Variants in IPP observed in about 807,000 individuals in gnomAD.
IPP encodes actin-binding protein IPP.
In IPP, 41 loss-of-function variants were observed where a neutral mutation model predicts 64.1. That is an observed-to-expected ratio of 0.64 (90% CI 0.50 to 0.83). IPP has a LOEUF of 0.83. IPP is among the 40% of genes least tolerant of loss of function. IPP has a pLI of 0.00. For synonymous variants in IPP, 214 were observed against 235.2 expected (o/e 0.91, Z 0.83); for missense variants, 649 against 703.0 (o/e 0.92, Z 0.87).
chr1:45,729,971 AG>A (rs1047440688), intron 3 of IPP, among the ~76,000 whole-genome samples: 1 of 152,222 alleles, frequency 6.6e-6, no homozygotes, highest in African/African-American at 2.4e-5. Flanking sequence ...AGAATAAAAA[AG>A]GTTGTTGTTA....
Position 45,698,729 on chromosome 1 carries a change from T to TC in IPP, c.*1236_*1237insG. The TC allele has an allele frequency of 1.8e-6, 1 of 558,768 alleles. No individual in the cohort carries two copies. Among genetic ancestry groups the TC allele is most frequent in the Non-Finnish European group, 2.2e-6 (1 of 454,566 alleles). The allele number at this position is 558,768 out of a possible 1,614,324, so 34.6% of individuals were successfully genotyped here. ...AGAATTTTTTTTTCTTTTTTTTTTT[T>TC]TTTTTTTGAGACAGGTTCTCATGCT... On this transcript the variant is annotated 3_prime_UTR_variant, in exon 9 of 9. Coordinates refer to ENST00000396478, the MANE Select transcript of IPP (RefSeq NM_005897.3).
At chr1:45,715,427 G>C (rs1324795061) in intron 7 of IPP, among the ~76,000 whole-genome samples, 2 of 152,020 alleles carry the variant, frequency 1.3e-5, no homozygotes, top group African/African-American at 4.8e-5. Flanking sequence ...AGATGACGAG[G>C]TCAGGAGATT....
intron 3 of IPP, among the ~76,000 whole-genome samples, chr1:45,735,046 C>T (rs941340881): frequency 6.6e-6 from 1 of 151,932 alleles, no homozygotes; most frequent in Non-Finnish European, 1.5e-5. Context: ...TCCCAAAGTG[C>T]TGGGATTACA....
intron 8 of IPP, among the ~76,000 whole-genome samples, chr1:45,710,141 C>G (rs1331365397): frequency 2.1e-5 from 2 of 95,240 alleles, no homozygotes; most frequent in South Asian, 7.8e-4. Context: ...AGGAGAATTG[C>G]TTGAACCCGG....
At position 45,729,590 on chromosome 1, in the gene IPP, T is replaced by C. The variant is rs775586097; in HGVS notation, c.880+24A>G. Reference sequence around the variant, plus strand: ...ATCTGGAACACAAATATAATTTCTATTACTTTTTTAAGGGCTCTCTCACCT... The same window carrying C: ...ATCTGGAACACAAATATAATTTCTACTACTTTTTTAAGGGCTCTCTCACCT... On this transcript the variant is annotated intron_variant, in intron 4 of 8. Transcript: ENST00000396478. 7.6e-6 allele frequency: 12 copies of C among 1,575,464 alleles called. No homozygotes were observed. In the South Asian group the frequency reaches 1.4e-4, roughly 18 times the overall value.
Position 45,741,017 on chromosome 1 carries a change from G to C in IPP, c.608C>G (p.Ala203Gly), listed in dbSNP as rs1646056567. The C allele has an allele frequency of 1.2e-6, 2 of 1,613,748 alleles. No individual in the cohort carries two copies. The change falls in exon 3 of 9, where the codon GCT (alanine) becomes GGT (glycine). Residue 203 changes from alanine (A) to glycine (G), a missense_variant. Transcript: ENST00000396478. ...SIEDEYQVFL[A>G]AMQWILKDLG... Reference sequence around the variant, plus strand: ...ATCTTTCAGAATCCATTGCATTGCAGCTAAGAAGACCTGGTATTCATCCTC... The same window carrying C: ...ATCTTTCAGAATCCATTGCATTGCACCTAAGAAGACCTGGTATTCATCCTC...
intron 3 of IPP, among the ~76,000 whole-genome samples, chr1:45,734,744 T>C (rs371193407): frequency 6.6e-6 from 1 of 151,612 alleles, no homozygotes; most frequent in Non-Finnish European, 1.5e-5. Flanking sequence ...CTCAGCTTCC[T>C]GAGTGGCTGG....
chr1:45,697,647 T>C (rs886101519), downstream of IPP, among the ~76,000 whole-genome samples: 1 of 152,156 alleles, frequency 6.6e-6, no homozygotes, highest in Admixed American at 6.5e-5. Flanking sequence ...AGTAATATAC[T>C]GAAGGACCTT....
At chr1:45,735,466 C>CTTTTTTTTT (rs756979985) in intron 3 of IPP, among the ~76,000 whole-genome samples, 5 of 57,950 alleles carry the variant, frequency 8.6e-5, no homozygotes, top group Non-Finnish European at 1.2e-4. Context: ...TTTAATTTTG[C>CTTTTTTTTT]TTTTTTTTTT....
At chr1:45,720,460 T>C (rs1017436695) in intron 5 of IPP, among the ~76,000 whole-genome samples, 7 of 152,154 alleles carry the variant, frequency 4.6e-5, no homozygotes, top group Non-Finnish European at 8.8e-5. Context: ...AGTTACCCCA[T>C]ATTGACTTAA....
chr1:45,725,544 A>C (rs1279117397), intron 5 of IPP, among the ~76,000 whole-genome samples: 3 of 135,232 alleles, frequency 2.2e-5, no homozygotes, highest in East Asian at 2.4e-4. Flanking sequence ...CCTACTGGGA[A>C]GTGAGGAGCC....
At chr1:45,736,432 A>G (rs989692292) in intron 3 of IPP, among the ~76,000 whole-genome samples, 26 of 152,132 alleles carry the variant, frequency 1.7e-4, no homozygotes, top group African/African-American at 6.3e-4. Flanking sequence ...TATACTATGG[A>G]AAAAAATCTA....
chr1:45,704,398 C>T (rs1051151289), intron 8 of IPP, among the ~76,000 whole-genome samples: 2 of 152,078 alleles, frequency 1.3e-5, no homozygotes, highest in African/African-American at 4.8e-5. Flanking sequence ...CCACCACGCC[C>T]AGCTAACTTT....
In IPP at chr1:45,700,004, T is replaced by G; in HGVS notation, c.1717A>C (p.Ile573Leu). ...ACGCCCCCTTCACAACGACTGGTGA[T>G]CATGTTACCAATTTCTGTCCATGTA... ...SDTWTEIGNM[I>L]TSRCEGGVAV... Residue 573 changes from isoleucine (I) to leucine (L), a missense_variant, in exon 9 of 9, where the codon ATC becomes CTC. Ile to Leu is a conservative substitution (Grantham distance 5). Transcript: ENST00000396478. The G allele has an allele frequency of 1.2e-6, 2 of 1,614,182 alleles. No individual in the cohort carries two copies. The highest frequency in any genetic ancestry group is 1.3e-5 in the African/African-American group (1 of 75,048).
rs959365823 is a variant in IPP, at chr1:45,729,773, A to G, written c.725-4T>C. The G allele has an allele frequency of 6.6e-7, 1 of 1,511,146 alleles. No homozygotes were observed. Among genetic ancestry groups the G allele is most frequent in the Non-Finnish European group, 8.9e-7 (1 of 1,118,066 alleles). 93.6% of individuals were successfully genotyped at this position (1,511,146 alleles called of 1,614,324 possible). A position where few individuals can be genotyped will look rare whatever the true frequency, so the allele number is the denominator to read the frequency against. Reference sequence around the variant, plus strand: ...CGAAGATTAAAATCGGATACTCCTAAAACAATATTTAAAAAGACAATGTTT... The same window carrying G: ...CGAAGATTAAAATCGGATACTCCTAGAACAATATTTAAAAAGACAATGTTT... On this transcript the variant is annotated splice_region_variant and splice_polypyrimidine_tract_variant and intron_variant, in intron 3 of 8. Transcript: ENST00000396478.
At chr1:45,715,259 T>G (rs1053847136) in intron 7 of IPP, among the ~76,000 whole-genome samples, 2 of 151,528 alleles carry the variant, frequency 1.3e-5, no homozygotes, top group Non-Finnish European at 2.9e-5. Flanking sequence ...AATTTCCTTA[T>G]AAACTCTGGC....
intron 6 of IPP, 29 bp downstream of exon 6, chr1:45,719,174 G>C (rs761177512): frequency 6.2e-7 from 1 of 1,607,842 alleles, no homozygotes; most frequent in South Asian, 1.1e-5. Flanking sequence ...AACAATATTA[G>C]CTATCTTTAA....
intron 7 of IPP, 81 bp downstream of exon 7, chr1:45,716,814 A>C: frequency 8.2e-7 from 1 of 1,226,284 alleles, no homozygotes; most frequent in Non-Finnish European, 1.2e-6. Context: ...CTTAAAATAT[A>C]CTTTTGTGAA....
chr1:45,700,320 A>G (rs1391734360), intron 8 of IPP, 130 bp from the exon 9 acceptor site: 7 of 1,321,524 alleles, frequency 5.3e-6, no homozygotes, highest in Non-Finnish European at 7.0e-6. Context: ...AGGTAAGCAT[A>G]CAGATTTTTT....
Sources: gnomAD v4.1 joint callset for allele counts (sites outside exome capture counted in the v4.1 genomes callset) on GRCh38, gnomAD v4.1.1 for gene constraint, MANE v1.5 for transcripts, NCBI Gene and HGNC (gene_info 2026-07-23, HGNC 2026-07-21) for gene names.